The following ASB4 variants were observed in gnomAD, a reference collection of about 807,000 sequenced individuals.
ASB4 encodes ankyrin repeat and SOCS box containing 4.
In ASB4, 35 loss-of-function variants were observed where a neutral mutation model predicts 38.6. That is an observed-to-expected ratio of 0.91 (90% confidence interval 0.69 to 1.20). ASB4 has a LOEUF of 1.20. ASB4 is among the 50% of genes most tolerant of loss of function. The pLI is 0.00. For synonymous variants in ASB4, 195 were observed against 201.3 expected, an observed-to-expected ratio of 0.97 and a Z score of 0.26; for missense variants, 557 against 527.2, an observed-to-expected ratio of 1.06 and a Z score of -0.55.
chr7:95,502,489 G>A (rs1190073920), intron 2 of ASB4, among the ~76,000 whole-genome samples: 2 of 151,988 alleles, frequency 1.3e-5, no homozygotes, highest in Non-Finnish European at 2.9e-5. Flanking sequence ...CTAGGCAGGA[G>A]ACCATTTTAC....
At chr7:95,524,952 G>A (rs531611567) in intron 2 of ASB4, among the ~76,000 whole-genome samples, 1 of 152,290 alleles carries the variant, frequency 6.6e-6, no homozygotes, top group Admixed American at 6.5e-5. Context: ...CTCTTACTTT[G>A]CTGAGAGTCT....
intron 2 of ASB4, among the ~76,000 whole-genome samples, chr7:95,513,350 A>G (rs1199927508): frequency 3.3e-5 from 4 of 121,454 alleles, no homozygotes; most frequent in African/African-American, 1.3e-4. Flanking sequence ...CAGGGAATGG[A>G]ATGATTTATT....
upstream of ASB4, among the ~76,000 whole-genome samples, chr7:95,473,480 G>A (rs939035194): frequency 2.6e-5 from 4 of 152,178 alleles, no homozygotes; most frequent in African/African-American, 4.8e-5. Context: ...GTTCCCAGCG[G>A]AGCCTGGCTG....
chr7:95,536,117 A>G (rs936383791), intron 3 of ASB4, among the ~76,000 whole-genome samples: 1 of 152,182 alleles, frequency 6.6e-6, no homozygotes, highest in African/African-American at 2.4e-5. Context: ...GATTTTATTA[A>G]TCTATCTATT....
chr7:95,528,425 T>A, intron 3 of ASB4, 122 bp downstream of exon 3: 12 of 1,528,622 alleles, frequency 7.9e-6, no homozygotes, highest in Non-Finnish European at 1.1e-5. Context: ...TCTGATCCTC[T>A]TTGACCTTCC....
chr7:95,479,552 T>C (rs1790006681), intron 1 of ASB4, among the ~76,000 whole-genome samples: 1 of 152,240 alleles, frequency 6.6e-6, no homozygotes, highest in Non-Finnish European at 1.5e-5. Flanking sequence ...GAATAGATCA[T>C]TGAAATCCTA....
intron 2 of ASB4, among the ~76,000 whole-genome samples, chr7:95,505,725 A>G (rs964018647): frequency 1.6e-5 from 2 of 125,360 alleles, no homozygotes; most frequent in Non-Finnish European, 3.3e-5. Flanking sequence ...CCTGTCCCTT[A>G]TGATGTTATA....
At chr7:95,516,896 T>G (rs748489210) in intron 2 of ASB4, among the ~76,000 whole-genome samples, 7 of 152,214 alleles carry the variant, frequency 4.6e-5, no homozygotes, top group Non-Finnish European at 8.8e-5. Flanking sequence ...TGACTTCAAA[T>G]GTCATCAAAT....
chr7:95,534,522 T>A (rs1790862224), intron 3 of ASB4, among the ~76,000 whole-genome samples: 1 of 152,026 alleles, frequency 6.6e-6, no homozygotes, highest in Non-Finnish European at 1.5e-5. Context: ...TTCTCCCAGC[T>A]TCAGCCACCC....
At position 95,539,876 on chromosome 7, in the gene ASB4, A is replaced by G. The variant is rs943716528; in HGVS notation, c.*2117A>G. The G allele has an allele frequency of 6.6e-6, 1 of 152,222 alleles. No homozygotes were observed. Among genetic ancestry groups the G allele is most frequent in the Non-Finnish European group, 1.5e-5 (1 of 68,044 alleles). 9.4% of individuals were successfully genotyped at this position (152,222 alleles called of 1,614,324 possible). Reference sequence around the variant, plus strand: ...ACCAAAAACCACCTGTACCCCCAAAACTATTGAAATCTTAAAATAGTAATA... The same window carrying G: ...ACCAAAAACCACCTGTACCCCCAAAGCTATTGAAATCTTAAAATAGTAATA... On this transcript the variant is annotated 3_prime_UTR_variant, in exon 5 of 5. Transcript: ENST00000325885.
At chr7:95,487,623 G>T (rs745986024) in intron 1 of ASB4, among the ~76,000 whole-genome samples, 1 of 152,100 alleles carries the variant, frequency 6.6e-6, no homozygotes, top group Non-Finnish European at 1.5e-5. Flanking sequence ...GGTGGGGTTG[G>T]TTCTCCTACT....
rs764571947 is a variant in ASB4 at position 95,536,470 on chromosome 7, A to C, written c.1012A>C (p.Ile338Leu). Residue 338 changes from isoleucine to leucine, a missense_variant, in exon 4 of 5, where the codon ATT becomes CTT. Coordinates refer to ENST00000325885, the MANE Select transcript of ASB4 (RefSeq NM_016116.3). ...IQACHSCPKAIEVVVNAYEHI... is the reference protein window; with the variant it reads ...IQACHSCPKALEVVVNAYEHI... ...GGCCTGCCATTCTTGTCCTAAAGCA[A>C]TTGAAGTTGTAGTCAATGCCTATGA... is the stretch of plus-strand genomic sequence containing the variant. 6.2e-7 allele frequency: 1 copy of C among 1,613,352 alleles called. No individual in the cohort carries two copies. Among genetic ancestry groups the C allele is most frequent in the Non-Finnish European group, 8.5e-7 (1 of 1,179,384 alleles).
intron 3 of ASB4, among the ~76,000 whole-genome samples, chr7:95,530,588 T>C (rs1010019469): frequency 7.9e-5 from 12 of 151,870 alleles, no homozygotes; most frequent in Non-Finnish European, 1.8e-4. Flanking sequence ...GGGCTAAGCA[T>C]GTTTGAGGGA....
intron 2 of ASB4, among the ~76,000 whole-genome samples, chr7:95,502,463 G>A (rs1346042610): frequency 6.6e-6 from 1 of 151,954 alleles, no homozygotes; most frequent in Non-Finnish European, 1.5e-5. Context: ...TTCGCCTCTA[G>A]GATTAGGGAC....
chr7:95,487,639 C>T lies in ASB4; in HGVS notation c.187+1481C>T, dbSNP rs1468788937. 5.3e-5 allele frequency among the ~76,000 whole-genome samples: 8 copies of T among 152,154 alleles called. No homozygotes were observed. In the South Asian group the frequency reaches 8.3e-4, roughly 16 times the overall value. On this transcript the variant is annotated intron_variant, in intron 1 of 4. Coordinates refer to ENST00000325885, the MANE Select transcript of ASB4 (RefSeq NM_016116.3). ...GTGGGGTTGGTTCTCCTACTTCCAC[C>T]GGTGTCATCTTCCTTGAAGGAAAAG...
At chr7:95,532,051 C>A (rs971205942) in intron 3 of ASB4, among the ~76,000 whole-genome samples, 2 of 152,142 alleles carry the variant, frequency 1.3e-5, no homozygotes, top group African/African-American at 4.8e-5. Context: ...GCTGGCCCCC[C>A]TCCAAAGGAA....
intron 2 of ASB4, among the ~76,000 whole-genome samples, chr7:95,500,833 C>A (rs959145254): frequency 6.6e-6 from 1 of 152,132 alleles, no homozygotes; most frequent in African/African-American, 2.4e-5. Flanking sequence ...TGATCTCCAA[C>A]TGTAGATAAT....
chr7:95,514,555 C>T (rs545172409), intron 2 of ASB4, among the ~76,000 whole-genome samples: 1 of 152,308 alleles, frequency 6.6e-6, no homozygotes, highest in South Asian at 2.1e-4. Context: ...CAGTGTCTGG[C>T]TTCAGGGTAC....
chr7:95,550,567 C>G, the ASB4 span, among the ~76,000 whole-genome samples: 3 of 152,186 alleles, frequency 2.0e-5, no homozygotes, highest in Non-Finnish European at 4.4e-5. Flanking sequence ...AAAATTATTG[C>G]TGGAGCTCGC....
Sources: gnomAD v4.1 joint callset for allele counts (sites outside exome capture counted in the v4.1 genomes callset) on GRCh38, gnomAD v4.1.1 for gene constraint, MANE v1.5 for transcripts, NCBI Gene and HGNC (gene_info 2026-07-23, HGNC 2026-07-21) for gene names.